Variants in PHKB observed in about 807,000 individuals in gnomAD.
The protein encoded by PHKB is phosphorylase kinase regulatory subunit beta, also known as phosphorylase b kinase regulatory subunit beta.
Under a neutral mutation model 152.1 loss-of-function variants are expected in PHKB, and 122 were observed. The ratio of observed to expected loss-of-function variants is 0.80; its 90% CI spans 0.69 to 0.93. The LOEUF is 0.93. Among genes scored for constraint, PHKB ranks in the 40% least tolerant of loss-of-function variants. The pLI is 0.00. For missense variants in PHKB, 1,304 were observed against 1,328.4 expected (o/e 0.98, Z 0.29); for synonymous variants, 436 against 464.9 (o/e 0.94, Z 0.80).
chr16:47,487,016 C>T (rs184915003), intron 1 of PHKB, among the ~76,000 whole-genome samples: 2 of 152,280 alleles, frequency 1.3e-5, no homozygotes, highest in East Asian at 1.9e-4. Context: ...CCTCAAGTTG[C>T]TCAGTTCCCA....
At chr16:47,464,196 G>T (rs1969627171) in intron 1 of PHKB, 1 of 582,088 alleles carries the variant, frequency 1.7e-6, no homozygotes, top group Middle Eastern at 4.7e-4. Context: ...GATGTGAAAA[G>T]AACAGAGAGT....
intron 10 of PHKB, among the ~76,000 whole-genome samples, chr16:47,591,580 C>G (rs1057344495): frequency 1.3e-5 from 2 of 152,128 alleles, no homozygotes; most frequent in Admixed American, 6.5e-5. Context: ...CTTCTGCCCC[C>G]TCTTAAACCT....
chr16:47,643,189 A>G (rs1434782092), intron 16 of PHKB, among the ~76,000 whole-genome samples: 3 of 152,246 alleles, frequency 2.0e-5, no homozygotes, highest in African/African-American at 7.2e-5. Flanking sequence ...CATGGTGAGC[A>G]AATGACTTGA....
At chr16:47,535,561 A>G (rs936874282) in intron 6 of PHKB, among the ~76,000 whole-genome samples, 4 of 152,166 alleles carry the variant, frequency 2.6e-5, no homozygotes, top group African/African-American at 9.7e-5. Flanking sequence ...ATGGAGAGAG[A>G]GTTAAATAAT....
rs764887245 is a variant in PHKB, at chr16:47,649,169, T to C, written c.1762T>C (p.Ser588Pro). 1 of 1,606,694 alleles carries C rather than the reference T, an allele frequency of 6.2e-7. No homozygotes were observed. Among genetic ancestry groups the C allele is most frequent in the East Asian group, 2.2e-5 (1 of 44,792 alleles). ...TTTCGACCTAAGTGATTTCTACATG[T>C]CTCAGGATGTTTTCCTGCTGATAGA... ...IIFDLSDFYM[S>P]QDVFLLIDDI... The change falls in exon 18 of 31, where the codon TCT becomes CCT. Residue 588 changes from serine to proline, a missense_variant. By Grantham distance (74) the Ser-to-Pro change is moderately conservative (BLOSUM62 -1). Transcript: ENST00000323584.
At chr16:47,616,774 G>T (rs1346964054) in intron 14 of PHKB, among the ~76,000 whole-genome samples, 1 of 151,648 alleles carries the variant, frequency 6.6e-6, no homozygotes, top group Non-Finnish European at 1.5e-5. Context: ...GAAATATAGA[G>T]TGTGGAGTGG....
At chr16:47,534,972 A>G (rs1001083599) in intron 6 of PHKB, among the ~76,000 whole-genome samples, 1 of 152,232 alleles carries the variant, frequency 6.6e-6, no homozygotes, top group Non-Finnish European at 1.5e-5. Context: ...ATGACAGTGA[A>G]ATACAAGGAG....
At chr16:47,557,448 C>T (rs1971395224) in intron 7 of PHKB, among the ~76,000 whole-genome samples, 1 of 152,118 alleles carries the variant, frequency 6.6e-6, no homozygotes, top group South Asian at 2.1e-4. Flanking sequence ...GAACAGGCAG[C>T]CTACAAAATG....
intron 17 of PHKB, 88 bp from the exon 18 acceptor site, chr16:47,649,012 G>T: frequency 1.3e-6 from 1 of 786,776 alleles, no homozygotes; most frequent in Non-Finnish European, 2.3e-6. Flanking sequence ...TTAGACATCA[G>T]TTTTTATTTT....
intron 26 of PHKB, among the ~76,000 whole-genome samples, chr16:47,678,429 CTGT>C (rs1973778443): frequency 6.6e-6 from 1 of 152,092 alleles, no homozygotes; most frequent in African/African-American, 2.4e-5. Flanking sequence ...TCTCCAGCAC[CTGT>C]TGTTTCCTGA....
At chr16:47,588,830 C>A in intron 9 of PHKB, 75 bp from the exon 10 acceptor site, 1 of 1,284,830 alleles carries the variant, frequency 7.8e-7, no homozygotes, top group Non-Finnish European at 1.1e-6. Context: ...GGCTTTTCAT[C>A]TCTATCATTC....
At chr16:47,631,823 G>C (rs938604471) in intron 14 of PHKB, among the ~76,000 whole-genome samples, 1 of 152,036 alleles carries the variant, frequency 6.6e-6, no homozygotes, top group Non-Finnish European at 1.5e-5. Flanking sequence ...CTTTTTTGTG[G>C]CTGTATGGTA....
At chr16:47,627,410 G>A (rs1023788722) in intron 14 of PHKB, among the ~76,000 whole-genome samples, 2 of 152,174 alleles carry the variant, frequency 1.3e-5, no homozygotes, top group African/African-American at 2.4e-5. Flanking sequence ...ACTTAGAAAG[G>A]GGTGAAACAG....
intron 20 of PHKB, among the ~76,000 whole-genome samples, chr16:47,659,291 GGTAGTTAGCCAACAAAAGCAACATTCCCT>G (rs1301847784): frequency 6.6e-6 from 1 of 152,094 alleles, no homozygotes; most frequent in East Asian, 1.9e-4. Flanking sequence ...TACTATTCTG[GGTAGTTAGCCAACAAAAGCAACATTCCCT>G]GTGTCCTGTT....
intron 8 of PHKB, among the ~76,000 whole-genome samples, chr16:47,584,492 G>A (rs757589146): frequency 6.6e-6 from 1 of 152,158 alleles, no homozygotes; most frequent in Non-Finnish European, 1.5e-5. Flanking sequence ...TCCTTTCACA[G>A]TATGTGCATG....
chr16:47,558,748 C>T (rs1314819657), intron 7 of PHKB, among the ~76,000 whole-genome samples: 1 of 152,210 alleles, frequency 6.6e-6, no homozygotes. Context: ...AGGGTTTCGC[C>T]ATGTTGGCCA....
intron 14 of PHKB, among the ~76,000 whole-genome samples, chr16:47,639,177 G>A (rs1468266231): frequency 1.3e-5 from 2 of 152,166 alleles, no homozygotes; most frequent in Non-Finnish European, 2.9e-5. Flanking sequence ...GGGAGGCTGA[G>A]GTGGGAGGAT....
At chr16:47,515,887 A>T (rs971366635) in intron 6 of PHKB, among the ~76,000 whole-genome samples, 1 of 152,150 alleles carries the variant, frequency 6.6e-6, no homozygotes, top group Non-Finnish European at 1.5e-5. Flanking sequence ...AATTTTAGTA[A>T]CAATGAAAGC....
chr16:47,470,288 G>A (rs1295741629), intron 1 of PHKB, among the ~76,000 whole-genome samples: 1 of 152,196 alleles, frequency 6.6e-6, no homozygotes, highest in Non-Finnish European at 1.5e-5. Flanking sequence ...TCCTTTATGG[G>A]AAACAAGGGA....
Sources: gnomAD v4.1 joint callset for allele counts (sites outside exome capture counted in the v4.1 genomes callset) on GRCh38, gnomAD v4.1.1 for gene constraint, MANE v1.5 for transcripts, NCBI Gene and HGNC (gene_info 2026-07-23, HGNC 2026-07-21) for gene names.